Variants in DHX29 observed in about 807,000 individuals in gnomAD.
The protein encoded by DHX29 is DExH-box helicase 29.
In DHX29, 79 loss-of-function variants were observed where a neutral mutation model predicts 167.9. That is an observed-to-expected ratio of 0.47 (90% CI 0.39 to 0.57). DHX29 has a LOEUF of 0.57. Ranked by LOEUF, DHX29 falls within the 20% of genes least tolerant of loss-of-function variation. The pLI, the probability that DHX29 is intolerant of heterozygous loss-of-function variation, is 0.00. For synonymous variants in DHX29, 530 were observed against 546.0 expected (o/e 0.97, Z 0.41); for missense variants, 1,347 against 1,593.4 (o/e 0.85, Z 2.63).
intron 16 of DHX29, 145 bp from the exon 17 acceptor site, chr5:55,273,522 G>T: frequency 9.4e-7 from 1 of 1,060,660 alleles, no homozygotes; most frequent in Non-Finnish European, 1.2e-6. Flanking sequence ...TTACAGAATT[G>T]TACAATGAAA....
At chr5:55,288,068 C>T (rs1747835280) in intron 8 of DHX29, among the ~76,000 whole-genome samples, 1 of 151,280 alleles carries the variant, frequency 6.6e-6, no homozygotes, top group South Asian at 2.1e-4. Context: ...CATGGCGAAA[C>T]CCCATCTCTA....
chr5:55,293,921 T>C, intron 6 of DHX29, 96 bp downstream of exon 6: 2 of 1,385,576 alleles, frequency 1.4e-6, no homozygotes, highest in Non-Finnish European at 1.9e-6. Flanking sequence ...TGGAGGTACA[T>C]TTCCAATTTA....
rs535863856 is a variant in DHX29, at chr5:55,277,742, C to T, written c.2110-460G>A. Among the ~76,000 whole-genome samples the T allele has an allele frequency of 3.2e-3, 486 of 151,904 alleles. 4 individuals are homozygous for T. Among genetic ancestry groups the T allele is most frequent in the Non-Finnish European group, 5.9e-3 (398 of 67,924 alleles). ...CCAACATGACGAAACCCTGTCTCTA[C>T]TAAAAATACAAAAATTAGCCGGGTA... On this transcript the variant is annotated intron_variant, in intron 12 of 26. Transcript: ENST00000251636.
chr5:55,286,663 A>G (rs1026027291), intron 8 of DHX29, among the ~76,000 whole-genome samples: 2 of 152,220 alleles, frequency 1.3e-5, no homozygotes, highest in African/African-American at 4.8e-5. Flanking sequence ...CCATCAGTCA[A>G]TTCTTCAATG....
In DHX29 at chr5:55,297,223, A is replaced by G. The variant is rs1175533317; in HGVS notation, c.375+62T>C. ...AGTTGTAAAGCCATTTTTATCTCAC[A>G]TGAGGAGCTGTCTAAAAATGCTTCA... On this transcript the variant is annotated intron_variant, in intron 3 of 26. Coordinates refer to ENST00000251636, the MANE Select transcript of DHX29 (RefSeq NM_019030.4). 9.3e-6 allele frequency: 7 copies of G among 749,044 alleles called. No homozygotes were observed. The Admixed American group carries it at 1.5e-4, about 16-fold the overall frequency. The allele number at this position is 749,044 out of a possible 1,614,324, so 46.4% of individuals were successfully genotyped here. A position where few individuals can be genotyped will look rare whatever the true frequency, so the allele number is the denominator to read the frequency against.
At chr5:55,265,094 G>GAAAAAAAAAAAAAAAAAAAAAAAAAAA (rs11336502) in intron 23 of DHX29, among the ~76,000 whole-genome samples, 2 of 136,460 alleles carry the variant, frequency 1.5e-5, no homozygotes, top group African/African-American at 2.7e-5. Flanking sequence ...AAAGAAAAAA[G>GAAAAAAAAAAAAAAAAAAAAAAAAAAA]AAAAAAAAAA....
Position 55,274,896 on chromosome 5 carries a change from C to T in DHX29, c.2542G>A (p.Asp848Asn). ...TATGCAAGAAGTTCCAAAATGAGAT[C>T]CAGGTTGATTTTATGAGGATTCATG... ...LYMNPHKINL[D>N]LILELLAYLD... The change falls in exon 15 of 27, where the codon GAT (aspartate) becomes AAT (asparagine). Residue 848 changes from aspartate to asparagine, a missense_variant. Coordinates refer to ENST00000251636, the MANE Select transcript of DHX29 (RefSeq NM_019030.4). 6.2e-7 allele frequency: 1 copy of T among 1,613,454 alleles called. No homozygotes were observed. The highest frequency in any genetic ancestry group is 8.5e-7 in the Non-Finnish European group (1 of 1,179,816).
At position 55,283,549 on chromosome 5, in the gene DHX29, G is replaced by A. The variant is rs1198649253; in HGVS notation, c.1619C>T (p.Ser540Leu). ...AGGTTCCAAATCTTCCACATTTGCT[G>A]ATTCCAAGGACAGTGCAGAAAAATC... ...DEDFSALSLE[S>L]ANVEDLEPVR... Residue 540 changes from serine to leucine, a missense_variant, in exon 11 of 27, where the codon TCA becomes TTA. By Grantham distance (145) the Ser-to-Leu change is moderately radical (BLOSUM62 -2). Coordinates refer to ENST00000251636, the MANE Select transcript of DHX29 (RefSeq NM_019030.4). The A allele has an allele frequency of 3.7e-6, 6 of 1,614,160 alleles. No individual in the cohort carries two copies. Among genetic ancestry groups the A allele is most frequent in the Non-Finnish European group, 5.1e-6 (6 of 1,180,020 alleles).
chr5:55,279,105 C>T (rs1006807385), intron 12 of DHX29, among the ~76,000 whole-genome samples: 1 of 152,140 alleles, frequency 6.6e-6, no homozygotes, highest in Non-Finnish European at 1.5e-5. Flanking sequence ...TCATTAGAGA[C>T]TTTTGTAGTA....
chr5:55,278,069 C>A (rs1034938422), intron 12 of DHX29, among the ~76,000 whole-genome samples: 1 of 152,068 alleles, frequency 6.6e-6, no homozygotes, highest in Non-Finnish European at 1.5e-5. Context: ...TAGCAGGAAT[C>A]CGACAGAATC....
chr5:55,292,757 C>G (rs1043411609), intron 6 of DHX29, among the ~76,000 whole-genome samples: 3 of 152,154 alleles, frequency 2.0e-5, no homozygotes, highest in Admixed American at 6.5e-5. Context: ...AATTCCACAG[C>G]TGTACCCTTG....
chr5:55,266,633 T>C (rs1459775872), intron 23 of DHX29, among the ~76,000 whole-genome samples: 2 of 152,030 alleles, frequency 1.3e-5, no homozygotes, highest in East Asian at 3.9e-4. Context: ...TTTTCTTTTC[T>C]TTCTTTTTTA....
chr5:55,293,498 T>C (rs1748152878), intron 6 of DHX29, among the ~76,000 whole-genome samples: 1 of 152,166 alleles, frequency 6.6e-6, no homozygotes, highest in African/African-American at 2.4e-5. Context: ...ATATAGTGTA[T>C]CTCATTTAAG....
chr5:55,296,360 C>A lies in DHX29; in HGVS notation c.376-11G>T. 6.2e-7 allele frequency: 1 copy of A among 1,602,568 alleles called. No homozygotes were observed. The highest frequency in any genetic ancestry group is 1.1e-5 in the South Asian group (1 of 88,312). ...AGCCATGTATAAATCCTATGACAAG[C>A]AAATATAAAAAAAGTCACATTTGTC... On this transcript the variant is annotated splice_polypyrimidine_tract_variant and intron_variant, in intron 3 of 26. Transcript: ENST00000251636.
intron 1 of DHX29, among the ~76,000 whole-genome samples, chr5:55,306,294 T>G (rs185746183): frequency 6.6e-6 from 1 of 152,188 alleles, no homozygotes; most frequent in South Asian, 2.1e-4. Flanking sequence ...CCAAGCTCTT[T>G]CCTGACTCAA....
At chr5:55,276,773 G>A (rs965761006) in intron 13 of DHX29, among the ~76,000 whole-genome samples, 3 of 152,102 alleles carry the variant, frequency 2.0e-5, no homozygotes, top group Non-Finnish European at 4.4e-5. Flanking sequence ...TTATTGCCAG[G>A]TAGCCACTCT....
At chr5:55,304,332 G>A (rs908588203) in intron 1 of DHX29, among the ~76,000 whole-genome samples, 1 of 33,302 alleles carries the variant, frequency 3.0e-5, no homozygotes, top group Non-Finnish European at 5.8e-5. Context: ...TTTTTTTTTT[G>A]AGACCGAGTC....
At chr5:55,303,215 A>AC (rs1387749028) in intron 1 of DHX29, among the ~76,000 whole-genome samples, 1 of 152,108 alleles carries the variant, frequency 6.6e-6, no homozygotes, top group African/African-American at 2.4e-5. Flanking sequence ...AATGCTAATG[A>AC]CCCACTATGA....
rs201269314 is a variant in DHX29, at chr5:55,290,388, G to A, written c.781-44C>T. The A allele has an allele frequency of 2.9e-3, 4,566 of 1,548,924 alleles. 11 individuals are homozygous for A. The highest frequency in any genetic ancestry group is 3.7e-3 in the Non-Finnish European group (4,270 of 1,154,920). On this transcript the variant is annotated intron_variant, in intron 6 of 26. Coordinates refer to ENST00000251636, the MANE Select transcript of DHX29 (RefSeq NM_019030.4). ...TGAGGAGGGGGAAAAAAAAAGAAGA[G>A]CAAGATTAGTTTATCTATGGTCAAT... is the stretch of plus-strand genomic sequence containing the variant.
Sources: allele counts gnomAD v4.1 joint callset (sites outside exome capture counted in the v4.1 genomes callset), GRCh38; gene constraint gnomAD v4.1.1; transcripts MANE v1.5; gene names NCBI Gene and HGNC (gene_info 2026-07-23, HGNC 2026-07-21).